The following IL23R variants were observed in gnomAD, a reference collection of about 807,000 sequenced individuals.
IL23R encodes the protein interleukin 23 receptor, also known as interleukin-23 receptor.
A neutral mutation model predicts 56.9 loss-of-function variants in IL23R; 34 were observed. That is an observed-to-expected ratio of 0.60 (90% CI 0.45 to 0.80). IL23R has a LOEUF of 0.80. IL23R is among the 30% of genes least tolerant of loss of function. The pLI is 0.00. For synonymous variants in IL23R, 230 were observed against 249.2 expected (o/e 0.92, Z 0.73); for missense variants, 635 against 730.0 (o/e 0.87, Z 1.50).
At chr1:67,230,782 C>G (rs1177096080) in intron 7 of IL23R, among the ~76,000 whole-genome samples, 1 of 152,236 alleles carries the variant, frequency 6.6e-6, no homozygotes, top group East Asian at 1.9e-4. Flanking sequence ...TTTTCCCTGC[C>G]CTGGGCTTCT....
At chr1:67,144,033 A>G (rs534291470) in intron 1 of IL23R, among the ~76,000 whole-genome samples, 104 of 152,352 alleles carry the variant, frequency 6.8e-4, no homozygotes, top group African/African-American at 2.4e-3. Context: ...AAATAAAATA[A>G]AAAATAATAA....
intron 1 of IL23R, among the ~76,000 whole-genome samples, chr1:67,154,242 G>A (rs114219323): frequency 0.01 from 1,577 of 152,274 alleles, 33 homozygotes; most frequent in African/African-American, 0.036. Flanking sequence ...TGTTGATTAG[G>A]GATGGAGAGT....
chr1:67,250,362 T>G (rs1570925583), intron 9 of IL23R, among the ~76,000 whole-genome samples: 1 of 152,316 alleles, frequency 6.6e-6, no homozygotes, highest in South Asian at 2.1e-4. Context: ...GGACAAGAAT[T>G]TACCATACAA....
At chr1:67,227,222 C>G (rs971127160) in intron 7 of IL23R, among the ~76,000 whole-genome samples, 3 of 152,224 alleles carry the variant, frequency 2.0e-5, no homozygotes, top group African/African-American at 7.2e-5. Context: ...CTTAAAAAAG[C>G]TGAAACAACA....
intron 6 of IL23R, chr1:67,207,582 T>C (rs1162278673): frequency 2.7e-6 from 1 of 369,044 alleles, no homozygotes; most frequent in Non-Finnish European, 5.2e-6. Flanking sequence ...CGAGATCTGA[T>C]GCGTTTATCA....
At chr1:67,190,044 G>A (rs1647629818) in intron 4 of IL23R, among the ~76,000 whole-genome samples, 1 of 152,210 alleles carries the variant, frequency 6.6e-6, no homozygotes, top group Admixed American at 6.5e-5. Flanking sequence ...GTAGTATTAT[G>A]TTTAAAGGAG....
intron 1 of IL23R, among the ~76,000 whole-genome samples, chr1:67,141,524 G>C (rs1425752294): frequency 6.6e-6 from 1 of 152,154 alleles, no homozygotes; most frequent in East Asian, 1.9e-4. Context: ...TTGGTAAGCT[G>C]AGGTGGGAGG....
chr1:67,244,913 T>C (rs1330839205), intron 9 of IL23R, among the ~76,000 whole-genome samples: 1 of 152,216 alleles, frequency 6.6e-6, no homozygotes, highest in Non-Finnish European at 1.5e-5. Context: ...AATATGGCCA[T>C]TTTCATGATA....
intron 9 of IL23R, among the ~76,000 whole-genome samples, chr1:67,248,798 C>G (rs1048219331): frequency 6.6e-6 from 1 of 152,124 alleles, no homozygotes; most frequent in East Asian, 1.9e-4. Flanking sequence ...GAGCCAGGCA[C>G]CGGAGGGAAT....
chr1:67,234,707 C>CTTTT lies in IL23R; in HGVS notation c.956-1991_956-1988dup, dbSNP rs5774860. Among the ~76,000 whole-genome samples, 191 of 117,530 alleles carry CTTTT rather than the reference C, an allele frequency of 1.6e-3. 7 individuals carry two copies. The highest frequency in any genetic ancestry group is 2.0e-3 in the Non-Finnish European group (118 of 60,086). The allele number at this position is 117,530 out of a possible 152,430, so 77.1% of individuals were successfully genotyped here. A position where few individuals can be genotyped will look rare whatever the true frequency, so the allele number is the denominator to read the frequency against. On this transcript the variant is annotated intron_variant, in intron 7 of 10. Coordinates refer to ENST00000347310, the MANE Select transcript of IL23R (RefSeq NM_144701.3). ...TACCTTTTAATGTAGTATTTTTACT[C>CTTTT]TTTTTTTTTTTTTTTTTTGAGATGG...
intron 9 of IL23R, among the ~76,000 whole-genome samples, chr1:67,250,090 G>A (rs1652511114): frequency 6.6e-6 from 1 of 151,992 alleles, no homozygotes; most frequent in Admixed American, 6.5e-5. Context: ...CTCTAACCTA[G>A]ACAAAAATTT....
chr1:67,169,229 A>G lies in IL23R; in HGVS notation c.71-113A>G. On this transcript the variant is annotated intron_variant, in intron 2 of 10. Transcript: ENST00000347310. ...ACATCTAGTCCTAAAACTGTTTTCA[A>G]TGGAATCATTTAGTTAATAGAAATG... The G allele has an allele frequency of 9.7e-6, 8 of 820,864 alleles. No homozygotes were observed. In the South Asian group the frequency reaches 1.4e-4, roughly 14 times the overall value. The allele number at this position is 820,864 out of a possible 1,614,324, so 50.8% of individuals were successfully genotyped here. A position where few individuals can be genotyped will look rare whatever the true frequency, so the allele number is the denominator to read the frequency against.
intron 5 of IL23R, among the ~76,000 whole-genome samples, chr1:67,204,124 C>T (rs3929684): frequency 0.75 from 114,597 of 151,800 alleles, 43,433 homozygotes; most frequent in East Asian, 0.97. Context: ...AGTGCAGTGG[C>T]GCGATCTCGG....
chr1:67,158,288 A>G (rs1334501780), intron 1 of IL23R, among the ~76,000 whole-genome samples: 1 of 152,172 alleles, frequency 6.6e-6, no homozygotes, highest in Non-Finnish European at 1.5e-5. Context: ...GAGCCCCCAA[A>G]CTGGGGTTTA....
At chr1:67,240,138 A>T (rs1257372936) in intron 8 of IL23R, 41 bp from the exon 9 acceptor site, 1 of 1,292,296 alleles carries the variant, frequency 7.7e-7, no homozygotes, top group Non-Finnish European at 1.1e-6. Context: ...TCAAATGAAG[A>T]CTAATGCTTG....
intron 7 of IL23R, among the ~76,000 whole-genome samples, chr1:67,228,362 C>CTTTTTTTTT (rs1558254618): frequency 2.5e-5 from 1 of 39,864 alleles, no homozygotes; most frequent in African/African-American, 6.9e-5. Flanking sequence ...TTTTTTTCTT[C>CTTTTTTTTT]CTTTTTTTTT....
intron 7 of IL23R, among the ~76,000 whole-genome samples, chr1:67,221,995 CTCTGCT>C (rs1650285253): frequency 6.6e-6 from 1 of 150,926 alleles, no homozygotes; most frequent in African/African-American, 2.4e-5. Context: ...TATAGTGAGA[CTCTGCT>C]TCTATTTAAA....
At chr1:67,189,466 C>T (rs1350400760) in intron 4 of IL23R, among the ~76,000 whole-genome samples, 3 of 152,002 alleles carry the variant, frequency 2.0e-5, no homozygotes, top group Non-Finnish European at 4.4e-5. Flanking sequence ...TTGATGGAGG[C>T]CAGATTAATG....
intron 1 of IL23R, among the ~76,000 whole-genome samples, chr1:67,160,969 T>G (rs1284818178): frequency 6.6e-6 from 1 of 152,248 alleles, no homozygotes; most frequent in Non-Finnish European, 1.5e-5. Flanking sequence ...TTATTTACCT[T>G]ATCATCAGCT....
Sources: gnomAD v4.1 joint callset for allele counts (sites outside exome capture counted in the v4.1 genomes callset) on GRCh38, gnomAD v4.1.1 for gene constraint, MANE v1.5 for transcripts, NCBI Gene and HGNC (gene_info 2026-07-23, HGNC 2026-07-21) for gene names.